The following ERC2 variants were observed in gnomAD, a reference collection of about 807,000 sequenced individuals.
ERC2 encodes the protein ERC protein 2.
ERC2 carries 42 observed loss-of-function variants against 114.8 expected under a neutral mutation model. The ratio of observed to expected loss-of-function variants is 0.37; its 90% CI spans 0.29 to 0.47. The LOEUF (loss-of-function observed/expected upper bound fraction) is 0.47, where lower values mean the gene tolerates loss of function less well. ERC2 is among the 20% of genes least tolerant of loss of function. The probability of loss-of-function intolerance (pLI) is 0.99; values close to 1 mark genes in which losing one functional copy is unlikely to be tolerated. For missense variants in ERC2, 939 were observed against 1,150.7 expected (o/e 0.82, Z 2.66); for synonymous variants, 454 against 425.5 (o/e 1.07, Z -0.82).
chr3:56,404,108 A>C (rs1283220863), intron 2 of ERC2, among the ~76,000 whole-genome samples: 1 of 152,220 alleles, frequency 6.6e-6, no homozygotes, highest in Non-Finnish European at 1.5e-5. Flanking sequence ...GGGGTCTTTA[A>C]GTTTTACAAT....
chr3:55,873,602 G>A (rs1469793708), intron 14 of ERC2, among the ~76,000 whole-genome samples: 3 of 152,214 alleles, frequency 2.0e-5, no homozygotes, highest in African/African-American at 4.8e-5. Context: ...GCCCTGGGTG[G>A]TCTGGCCTCT....
chr3:56,216,809 C>T (rs997245293), intron 3 of ERC2, among the ~76,000 whole-genome samples: 2 of 152,200 alleles, frequency 1.3e-5, no homozygotes, highest in African/African-American at 4.8e-5. Flanking sequence ...AGGTGGGCTT[C>T]ATCCCTGGGA....
At chr3:56,179,747 GGT>G (rs2150040612) in intron 3 of ERC2, among the ~76,000 whole-genome samples, 1 of 152,070 alleles carries the variant, frequency 6.6e-6, no homozygotes, top group East Asian at 1.9e-4. Context: ...GGGAAGGAAA[GGT>G]GGGAGTTATG....
chr3:55,871,141 T>A (rs2062565018), intron 14 of ERC2, among the ~76,000 whole-genome samples: 2 of 152,172 alleles, frequency 1.3e-5, no homozygotes, highest in Non-Finnish European at 2.9e-5. Context: ...CAAAGTTGGA[T>A]GTACAATAGA....
intron 2 of ERC2, among the ~76,000 whole-genome samples, chr3:56,330,240 T>A (rs1269119082): frequency 6.6e-6 from 1 of 152,132 alleles, no homozygotes; most frequent in Non-Finnish European, 1.5e-5. Context: ...GGTTTCGCTA[T>A]GTTGCCCACA....
At chr3:55,912,588 A>G (rs1386694107) in intron 13 of ERC2, among the ~76,000 whole-genome samples, 1 of 152,186 alleles carries the variant, frequency 6.6e-6, no homozygotes, top group Non-Finnish European at 1.5e-5. Context: ...AGCCATTCTA[A>G]TTTTCTAAGA....
intron 1 of ERC2, among the ~76,000 whole-genome samples, chr3:56,438,812 C>T (rs1244193976): frequency 6.6e-6 from 1 of 152,130 alleles, no homozygotes; most frequent in South Asian, 2.1e-4. Context: ...CAGATTTAAT[C>T]CTCAGTGAAT....
Position 56,302,012 on chromosome 3 carries a change from A to G in ERC2, c.658-5577T>C, listed in dbSNP as rs567428417. On this transcript the variant is annotated intron_variant, in intron 2 of 17. Coordinates refer to ENST00000288221, the MANE Select transcript of ERC2 (RefSeq NM_015576.3). Reference sequence around the variant, plus strand: ...GATATGCTGCAGTGACAATAGCAACAAAAAACTATATTCAGAAAGACATAA... The same window carrying G: ...GATATGCTGCAGTGACAATAGCAACGAAAAACTATATTCAGAAAGACATAA... Among the ~76,000 whole-genome samples the G allele has an allele frequency of 8.5e-5, 13 of 152,360 alleles. No individual in the cohort carries two copies. The South Asian group carries it at 2.7e-3, about 32-fold the overall frequency.
intron 2 of ERC2, among the ~76,000 whole-genome samples, chr3:56,369,514 A>G (rs1185529387): frequency 6.6e-6 from 1 of 152,252 alleles, no homozygotes; most frequent in Non-Finnish European, 1.5e-5. Flanking sequence ...CCACATTTGA[A>G]TTCAACACAT....
intron 3 of ERC2, among the ~76,000 whole-genome samples, chr3:56,176,161 A>G (rs897573996): frequency 2.6e-5 from 4 of 152,250 alleles, no homozygotes; most frequent in Non-Finnish European, 5.9e-5. Flanking sequence ...TAGATCACCC[A>G]TTCTGATACC....
chr3:55,753,950 A>G (rs913593193), intron 14 of ERC2, among the ~76,000 whole-genome samples: 8 of 152,210 alleles, frequency 5.3e-5, no homozygotes, highest in African/African-American at 1.9e-4. Flanking sequence ...TTTGAATCTC[A>G]GTTTCTTCAT....
At chr3:55,995,319 G>A (rs915175388) in intron 10 of ERC2, among the ~76,000 whole-genome samples, 133 of 149,044 alleles carry the variant, frequency 8.9e-4, no homozygotes, top group African/African-American at 3.1e-3. Flanking sequence ...GCGACAGAGC[G>A]ATACTCCATC....
At chr3:55,910,405 A>C (rs767763663) in intron 13 of ERC2, among the ~76,000 whole-genome samples, 2 of 152,002 alleles carry the variant, frequency 1.3e-5, no homozygotes, top group African/African-American at 2.4e-5. Flanking sequence ...AAAAAAACAA[A>C]AAAACAAAAA....
At chr3:55,604,112 A>G (rs553321780) in intron 17 of ERC2, among the ~76,000 whole-genome samples, 1 of 152,320 alleles carries the variant, frequency 6.6e-6, no homozygotes, top group Admixed American at 6.5e-5. Context: ...TTAATGATTC[A>G]ACAAATCCTT....
rs535588100 is a variant in ERC2, at chr3:55,591,154, TTA to T, written c.*40-79880_*40-79879del. On this transcript the variant is annotated intron_variant, in intron 17 of 17. Transcript: ENST00000288221. Reference sequence around the variant, plus strand: ...ATCTCCATAACTTTAAGGGGTAGAATTATGGTTGATTTTCACTTGTGTCTTTT... The same window carrying T: ...ATCTCCATAACTTTAAGGGGTAGAATTGGTTGATTTTCACTTGTGTCTTTT... 1.2e-3 allele frequency among the ~76,000 whole-genome samples: 182 copies of T among 151,292 alleles called. 4 individuals are homozygous for T. The East Asian group carries it at 0.033, about 27-fold the overall frequency.
chr3:56,319,447 C>G (rs1175666519), intron 2 of ERC2, among the ~76,000 whole-genome samples: 1 of 151,924 alleles, frequency 6.6e-6, no homozygotes, highest in Non-Finnish European at 1.5e-5. Flanking sequence ...AATAGTAAAA[C>G]TCATAGTGGT....
intron 14 of ERC2, among the ~76,000 whole-genome samples, chr3:55,792,437 G>C (rs1031056697): frequency 6.6e-6 from 1 of 152,122 alleles, no homozygotes; most frequent in Non-Finnish European, 1.5e-5. Flanking sequence ...TAATTTTATT[G>C]TTGACAAATG....
chr3:56,193,714 T>C (rs936223887), intron 3 of ERC2, among the ~76,000 whole-genome samples: 2 of 152,174 alleles, frequency 1.3e-5, no homozygotes, highest in Admixed American at 6.5e-5. Flanking sequence ...ACCAGTACTA[T>C]TATTATCCCC....
intron 13 of ERC2, among the ~76,000 whole-genome samples, chr3:55,946,749 T>C (rs2067148159): frequency 6.6e-6 from 1 of 152,200 alleles, no homozygotes; most frequent in Non-Finnish European, 1.5e-5. Context: ...TTCTGCATCC[T>C]TCCCTTCCTG....
Sources: allele counts gnomAD v4.1 joint callset (sites outside exome capture counted in the v4.1 genomes callset), GRCh38; gene constraint gnomAD v4.1.1; transcripts MANE v1.5; gene names NCBI Gene and HGNC (gene_info 2026-07-23, HGNC 2026-07-21).